The following NXN variants were observed in gnomAD, a reference collection of about 807,000 sequenced individuals.
The protein encoded by NXN is nucleoredoxin.
A neutral mutation model predicts 48.6 loss-of-function variants in NXN; 16 were observed. The observed-to-expected ratio is 0.33, with a 90% CI of 0.22 to 0.50. The LOEUF (loss-of-function observed/expected upper bound fraction) is 0.50. Among genes scored for constraint, NXN ranks in the 20% least tolerant of loss-of-function variants. NXN has a pLI of 0.98. For missense variants in NXN, 492 were observed against 605.5 expected, an observed-to-expected ratio of 0.81 and a Z score of 1.97; for synonymous variants, 281 against 269.6, an observed-to-expected ratio of 1.04 and a Z score of -0.41.
rs984143749 is a variant in NXN, at chr17:825,166, C to T, written c.478+795G>A. Among the ~76,000 whole-genome samples, 10 of 148,664 alleles carry T rather than the reference C, an allele frequency of 6.7e-5. No individual in the cohort carries two copies. The highest frequency in any genetic ancestry group is 2.1e-4 in the South Asian group (1 of 4,714). On this transcript the variant is annotated intron_variant, in intron 2 of 7. Coordinates refer to ENST00000336868, the MANE Select transcript of NXN (RefSeq NM_022463.5). The surrounding 1 kb of genome is among the most constrained non-coding windows in gnomAD (Gnocchi z 4.1). ...TCAGGAGGTCGAGGCTGCAGTGAACCGGGATCATGCCACAGCACTCGGCCT... is the reference window on the plus strand; with the variant it reads ...TCAGGAGGTCGAGGCTGCAGTGAACTGGGATCATGCCACAGCACTCGGCCT...
chr17:879,258 TTTTTG>T (rs2068256027), intron 1 of NXN, among the ~76,000 whole-genome samples: 1 of 144,428 alleles, frequency 6.9e-6, no homozygotes, highest in Non-Finnish European at 1.5e-5. Flanking sequence ...ATCTGGGTTT[TTTTTG>T]TTTTGGTTTG....
rs568105931 is a variant in NXN, at chr17:954,780, T to C, written c.360+24539A>G. On this transcript the variant is annotated intron_variant, in intron 1 of 7. Transcript: ENST00000336868. ...TGGCTGCCAAGCCATCTGGATGGAA[T>C]GGAATGGCTCTCTACCAGTTAGGGG... 9.4e-3 allele frequency among the ~76,000 whole-genome samples: 1,429 copies of C among 152,356 alleles called. 20 individuals are homozygous for C. The highest frequency in any genetic ancestry group is 0.033 in the African/African-American group (1,377 of 41,580).
intron 1 of NXN, among the ~76,000 whole-genome samples, chr17:843,006 GAGAA>G (rs781376999): frequency 0.084 from 8,005 of 94,932 alleles, 360 homozygotes; most frequent in Admixed American, 0.13. Flanking sequence ...GAGAGAAAGA[GAGAA>G]AGAAAGAAAG....
At chr17:928,569 C>T (rs1179160227) in intron 1 of NXN, among the ~76,000 whole-genome samples, 1 of 152,216 alleles carries the variant, frequency 6.6e-6, no homozygotes, top group Non-Finnish European at 1.5e-5. Context: ...GGCGCGGTGG[C>T]TCACGCCTGT....
Position 860,276 on chromosome 17 carries a change from G to A in NXN, c.361-34198C>T, listed in dbSNP as rs190708766. On this transcript the variant is annotated intron_variant, in intron 1 of 7. Coordinates refer to ENST00000336868, the MANE Select transcript of NXN (RefSeq NM_022463.5). ...GTAGCTGGGATGACAGGCGTGTGCC[G>A]CCGCGCCCGGCTAATTTTTGTATTT... 3.5e-3 allele frequency among the ~76,000 whole-genome samples: 520 copies of A among 147,828 alleles called. 1 individual carries two copies. The highest frequency in any genetic ancestry group is 0.012 in the African/African-American group (479 of 40,212).
At chr17:817,672 A>G (rs944800086) in intron 5 of NXN, among the ~76,000 whole-genome samples, 17 of 113,362 alleles carry the variant, frequency 1.5e-4, no homozygotes, top group East Asian at 6.6e-4. Flanking sequence ...CCAATTCAGG[A>G]AAAAAAAAAA....
intron 5 of NXN, among the ~76,000 whole-genome samples, chr17:815,732 GT>G (rs746420477): frequency 2.0e-5 from 3 of 152,328 alleles, no homozygotes; most frequent in East Asian, 1.9e-4. Flanking sequence ...CGCAGGGCCT[GT>G]TATCTGTTTT....
intron 1 of NXN, among the ~76,000 whole-genome samples, chr17:850,556 C>A: frequency 6.6e-6 from 1 of 152,158 alleles, no homozygotes; most frequent in East Asian, 1.9e-4. Context: ...GGCTCTTCCT[C>A]TGGGAAGGTT....
At chr17:874,209 C>T (rs1482132291) in intron 1 of NXN, among the ~76,000 whole-genome samples, 2 of 152,198 alleles carry the variant, frequency 1.3e-5, no homozygotes. Context: ...GATGTGTTTG[C>T]TTCCCTTTCC....
At chr17:971,633 C>T (rs910223431) in intron 1 of NXN, among the ~76,000 whole-genome samples, 2 of 151,564 alleles carry the variant, frequency 1.3e-5, no homozygotes, top group African/African-American at 2.4e-5. Context: ...TGGCGTGAAC[C>T]GGGAAGGCGG....
chr17:808,455 A>G (rs1224811422), intron 5 of NXN, among the ~76,000 whole-genome samples: 2 of 151,650 alleles, frequency 1.3e-5, no homozygotes, highest in East Asian at 3.9e-4. Context: ...GGTACACACC[A>G]CCACACCCAG....
At chr17:841,019 G>A (rs753314917) in intron 1 of NXN, among the ~76,000 whole-genome samples, 1 of 152,156 alleles carries the variant, frequency 6.6e-6, no homozygotes, top group Admixed American at 6.5e-5. Context: ...GGAGCAGATG[G>A]CTTGGGTTCG....
intron 1 of NXN, among the ~76,000 whole-genome samples, chr17:903,823 C>T (rs572973596): frequency 1.8e-4 from 28 of 152,270 alleles, no homozygotes; most frequent in African/African-American, 4.3e-4. Flanking sequence ...GTATTATGAC[C>T]GCAGCCAAAG....
chr17:943,698 TGTAATCC>T (rs199705887), intron 1 of NXN, among the ~76,000 whole-genome samples: 3,545 of 151,670 alleles, frequency 0.023, 55 homozygotes, highest in Non-Finnish European at 0.035. Flanking sequence ...GATGCACGCC[TGTAATCC>T]CAGCTACGAC....
intron 6 of NXN, 48 bp downstream of exon 6, chr17:805,020 T>TGCCCCCCCCCCCCCCCCCCCCCCCCCC: frequency 6.6e-7 from 1 of 1,512,880 alleles, no homozygotes; most frequent in Non-Finnish European, 9.0e-7. Flanking sequence ...GCCCCTCCTG[T>TGCCCCCCCCCCCCCCCCCCCCCCCCCC]CCCGCCCCCC....
At chr17:918,653 C>T (rs2068714446) in intron 1 of NXN, among the ~76,000 whole-genome samples, 1 of 151,866 alleles carries the variant, frequency 6.6e-6, no homozygotes, top group African/African-American at 2.4e-5. Flanking sequence ...ATTATCCAGG[C>T]GCGGTGGTGG....
chr17:836,209 C>A (rs931760368), intron 1 of NXN, among the ~76,000 whole-genome samples: 1 of 152,200 alleles, frequency 6.6e-6, no homozygotes, highest in Non-Finnish European at 1.5e-5. Context: ...TCCCAGTTCC[C>A]GAGAGCAACA....
At chr17:824,457 C>T (rs540800308) in intron 2 of NXN, among the ~76,000 whole-genome samples, 33 of 152,268 alleles carry the variant, frequency 2.2e-4, no homozygotes, top group African/African-American at 7.7e-4. Flanking sequence ...CCAGAACTGA[C>T]GAGGGACTCG....
intron 1 of NXN, among the ~76,000 whole-genome samples, chr17:907,390 A>G (rs2068591014): frequency 6.7e-6 from 1 of 150,138 alleles, no homozygotes; most frequent in South Asian, 2.1e-4. Flanking sequence ...CTCAAGCTGG[A>G]GTGCACTGGA....
Sources: gnomAD v4.1 joint callset for allele counts (sites outside exome capture counted in the v4.1 genomes callset) on GRCh38, gnomAD v4.1.1 for gene constraint, Gnocchi (gnomAD v3.1) non-coding constraint, MANE v1.5 for transcripts, NCBI Gene and HGNC (gene_info 2026-07-23, HGNC 2026-07-21) for gene names.